PNLIP: variants seen among roughly 807,000 people sequenced by gnomAD.
The protein encoded by PNLIP is pancreatic lipase.
A neutral mutation model predicts 57.1 loss-of-function variants in PNLIP; 49 were observed. The ratio of observed to expected loss-of-function variants is 0.86; its 90% CI spans 0.68 to 1.09. The LOEUF (loss-of-function observed/expected upper bound fraction) is 1.09, where lower values mean the gene tolerates loss of function less well. Ranked by LOEUF, PNLIP falls within the 50% of genes least tolerant of loss-of-function variation. The probability of loss-of-function intolerance (pLI) is 0.00; values close to 1 mark genes in which losing one functional copy is unlikely to be tolerated. For synonymous variants in PNLIP, 209 were observed against 200.4 expected (o/e 1.04, Z -0.36); for missense variants, 503 against 570.2 (o/e 0.88, Z 1.20).
chr10:116,551,156 G>A lies in PNLIP; in HGVS notation c.383G>A (p.Arg128Gln), dbSNP rs781625860. ...CICVDWKGGS[R>Q]TGYTQASQNI... ...TGTGTGGACTGGAAAGGTGGCTCCC[G>A]AACTGGATACACACAAGCCTCGCAG... Residue 128 changes from arginine to glutamine, a missense_variant, in exon 5 of 13, where the codon CGA becomes CAA. Arg to Gln is a conservative substitution (Grantham distance 43). Transcript: ENST00000369221. The A allele has an allele frequency of 1.2e-5, 20 of 1,612,888 alleles. No homozygotes were observed. Among genetic ancestry groups the A allele is most frequent in the Admixed American group, 1.7e-5 (1 of 59,910 alleles).
At chr10:116,558,117 A>G (rs1165131024) in intron 9 of PNLIP, among the ~76,000 whole-genome samples, 2 of 150,758 alleles carry the variant, frequency 1.3e-5, no homozygotes, top group Non-Finnish European at 3.0e-5. Flanking sequence ...CTGACTTTTG[A>G]GCCTATTGTC....
chr10:116,554,385 C>G (rs1457838222), intron 6 of PNLIP, among the ~76,000 whole-genome samples: 1 of 152,138 alleles, frequency 6.6e-6, no homozygotes, highest in East Asian at 1.9e-4. Flanking sequence ...AAACATAACC[C>G]CAGAGTTGTC....
intron 8 of PNLIP, 78 bp downstream of exon 8, chr10:116,555,585 T>C: frequency 6.6e-7 from 1 of 1,506,958 alleles, no homozygotes; most frequent in Non-Finnish European, 9.1e-7. Flanking sequence ...CTAAATTCTT[T>C]GGAATTGTAC....
intron 5 of PNLIP, among the ~76,000 whole-genome samples, chr10:116,552,613 A>G (rs1847206096): frequency 1.3e-5 from 2 of 152,194 alleles, no homozygotes; most frequent in African/African-American, 4.8e-5. Context: ...GTGGCCTGGC[A>G]CGGTGGCTCA....
intron 6 of PNLIP, among the ~76,000 whole-genome samples, chr10:116,554,519 C>G (rs1339396298): frequency 6.6e-6 from 1 of 152,138 alleles, no homozygotes; most frequent in Non-Finnish European, 1.5e-5. Context: ...ATTGGATACC[C>G]AGGTTCTAAA....
chr10:116,567,215 C>A (rs1397225921), intron 12 of PNLIP, among the ~76,000 whole-genome samples: 1 of 139,710 alleles, frequency 7.2e-6, no homozygotes, highest in Non-Finnish European at 1.6e-5. Context: ...TTTTCTCTTT[C>A]TCTCTTTCTT....
chr10:116,556,635 G>A (rs900019150), intron 9 of PNLIP, among the ~76,000 whole-genome samples: 3 of 151,826 alleles, frequency 2.0e-5, no homozygotes, highest in Non-Finnish European at 4.4e-5. Flanking sequence ...TGCAGAACGT[G>A]CAGGTTTGTT....
Position 116,551,139 on chromosome 10 carries a change from C to A in PNLIP, c.366C>A (p.Asp122Glu). Residue 122 changes from aspartate (D) to glutamate (E), a missense_variant, in exon 5 of 13, where the codon GAC becomes GAA. Physicochemically the swap from Asp to Glu is conservative, Grantham distance 45. Coordinates refer to ENST00000369221, the MANE Select transcript of PNLIP (RefSeq NM_000936.4). Reference protein sequence around the residue: ...KVESVNCICVDWKGGSRTGYT... With the variant: ...KVESVNCICVEWKGGSRTGYT... Reference sequence around the variant, plus strand: ...AAAGTGTGAACTGTATCTGTGTGGACTGGAAAGGTGGCTCCCGAACTGGAT... The same window carrying A: ...AAAGTGTGAACTGTATCTGTGTGGAATGGAAAGGTGGCTCCCGAACTGGAT... The A allele has an allele frequency of 6.2e-7, 1 of 1,612,336 alleles. No homozygotes were observed. The highest frequency in any genetic ancestry group is 8.5e-7 in the Non-Finnish European group (1 of 1,178,952).
chr10:116,559,124 C>A (rs765842399), intron 9 of PNLIP, 30 bp from the exon 10 acceptor site: 8 of 1,598,058 alleles, frequency 5.0e-6, no homozygotes, highest in Non-Finnish European at 1.7e-6. Context: ...GATAGGGCAT[C>A]CTCATTCATC....
chr10:116,546,006 AT>A, intron 1 of PNLIP, 48 bp downstream of exon 1: 1 of 1,145,790 alleles, frequency 8.7e-7, no homozygotes, highest in Non-Finnish European at 1.3e-6. Flanking sequence ...GAATGTATCC[AT>A]TTTCCCCCAG....
intron 5 of PNLIP, among the ~76,000 whole-genome samples, chr10:116,551,974 T>TGATGGAGGTCCCATAAGATGAC (rs1847198763): frequency 6.6e-6 from 1 of 152,162 alleles, no homozygotes; most frequent in African/African-American, 2.4e-5. Flanking sequence ...ACTTCAGATA[T>TGATGGAGGTCCCATAAGATGAC]GATGGAGGTC....
At chr10:116,558,166 A>C (rs1847272563) in intron 9 of PNLIP, among the ~76,000 whole-genome samples, 1 of 149,770 alleles carries the variant, frequency 6.7e-6, no homozygotes, top group Non-Finnish European at 1.5e-5. Context: ...GAAGCTGATT[A>C]TAATCTCTGT....
rs1046136751 is a variant in PNLIP at position 116,545,947 on chromosome 10, G to A, written c.-12G>A. On this transcript the variant is annotated 5_prime_UTR_variant, in exon 1 of 13. Coordinates refer to ENST00000369221, the MANE Select transcript of PNLIP (RefSeq NM_000936.4). Reference sequence around the variant, plus strand: ...TATCTGGTTGCGTGTGGAACCTGACGGAACTGCCACGGTGAGTCGGGAACA... The same window carrying A: ...TATCTGGTTGCGTGTGGAACCTGACAGAACTGCCACGGTGAGTCGGGAACA... 5.0e-5 allele frequency: 32 copies of A among 642,986 alleles called. No homozygotes were observed. The highest frequency in any genetic ancestry group is 7.8e-5 in the Non-Finnish European group (28 of 360,406). 39.8% of individuals were successfully genotyped at this position (642,986 alleles called of 1,614,324 possible).
At chr10:116,567,644 T>C (rs1351862047) in intron 12 of PNLIP, 91 bp from the exon 13 acceptor site, 4 of 1,031,448 alleles carry the variant, frequency 3.9e-6, no homozygotes, top group Non-Finnish European at 6.1e-6. Context: ...TCCCTCAGAC[T>C]AGGAGGTTGG....
At chr10:116,554,236 G>A (rs545797128) in intron 6 of PNLIP, among the ~76,000 whole-genome samples, 4 of 152,184 alleles carry the variant, frequency 2.6e-5, no homozygotes, top group South Asian at 2.1e-4. Context: ...CCCATTGACC[G>A]ACATTCACAA....
chr10:116,558,307 G>C (rs1435175320), intron 9 of PNLIP, among the ~76,000 whole-genome samples: 1 of 150,426 alleles, frequency 6.6e-6, no homozygotes, highest in African/African-American at 2.4e-5. Context: ...ACACCATCCT[G>C]CCTCAGCCTC....
In PNLIP at chr10:116,553,754, G is replaced by A. The variant is rs200040515; in HGVS notation, c.487G>A (p.Val163Met). Residue 163 changes from valine to methionine, a missense_variant, in exon 6 of 13, where the codon GTG (valine) becomes ATG (methionine). By Grantham distance (21) the Val-to-Met change is conservative. Coordinates refer to ENST00000369221, the MANE Select transcript of PNLIP (RefSeq NM_000936.4). ...QSAFGYSPSN[V>M]HVIGHSLGAH... Reference sequence around the variant, plus strand: ...GGCGTTCGGTTACTCACCTTCCAATGTGCATGTCATTGGCCACAGCCTGGG... The same window carrying A: ...GGCGTTCGGTTACTCACCTTCCAATATGCATGTCATTGGCCACAGCCTGGG... The A allele has an allele frequency of 1.3e-5, 21 of 1,612,742 alleles. No individual in the cohort carries two copies. Among genetic ancestry groups the A allele is most frequent in the South Asian group, 7.7e-5 (7 of 90,966 alleles).
chr10:116,558,206 T>TG (rs966786101), intron 9 of PNLIP, among the ~76,000 whole-genome samples: 1 of 150,778 alleles, frequency 6.6e-6, no homozygotes, highest in Non-Finnish European at 1.5e-5. Context: ...TTTCTTTTTT[T>TG]TTTTTTTTTG....
intron 9 of PNLIP, among the ~76,000 whole-genome samples, chr10:116,558,873 C>A (rs1343459568): frequency 6.6e-6 from 1 of 152,124 alleles, no homozygotes; most frequent in African/African-American, 2.4e-5. Context: ...GATCCACCTG[C>A]CTCAGCCTCC....
Sources: gnomAD v4.1 joint callset for allele counts (sites outside exome capture counted in the v4.1 genomes callset) on GRCh38, gnomAD v4.1.1 for gene constraint, MANE v1.5 for transcripts, NCBI Gene and HGNC (gene_info 2026-07-23, HGNC 2026-07-21) for gene names.